TNS1: variants seen among roughly 807,000 people sequenced by gnomAD.
TNS1 encodes the protein tensin 1.
In TNS1, 62 loss-of-function variants were observed where a neutral mutation model predicts 168.6. The ratio of observed to expected loss-of-function variants is 0.37; its 90% CI spans 0.30 to 0.45. The LOEUF (loss-of-function observed/expected upper bound fraction) is 0.45, where lower values mean the gene tolerates loss of function less well. Ranked by LOEUF, TNS1 falls within the 20% of genes least tolerant of loss-of-function variation. The pLI, the probability that TNS1 is intolerant of heterozygous loss-of-function variation, is 1.00. For synonymous variants in TNS1, 934 were observed against 933.2 expected, an observed-to-expected ratio of 1.00 and a Z score of -0.02; for missense variants, 2,240 against 2,339.4, an observed-to-expected ratio of 0.96 and a Z score of 0.88.
intron 6 of TNS1, among the ~76,000 whole-genome samples, chr2:217,901,108 C>A (rs1952922615): frequency 6.6e-6 from 1 of 152,218 alleles, no homozygotes; most frequent in Non-Finnish European, 1.5e-5. Context: ...GTAACCATCT[C>A]ACCCACTCCC....
rs1171286488 is a variant in TNS1 at position 217,848,356 on chromosome 2, G to A, written c.2161C>T (p.Pro721Ser). The change falls in exon 19 of 33, where the codon CCC (proline) becomes TCC (serine). Residue 721 changes from proline to serine, a missense_variant. Pro to Ser is a moderately conservative substitution (Grantham distance 74). Around this residue, in one of 2 missense-constraint regions of TNS1, gnomAD observed 2,131 missense variants for 2,171.2 expected, o/e 0.98. Coordinates refer to ENST00000682258, the MANE Select transcript of TNS1 (RefSeq NM_001387777.1). ...ACTGGCTGTGGCCAGGCTGGGTGGG[G>A]CCCCTCCCTCTGGTAGCCAGCTAAA... Reference protein sequence around the residue: ...EGLAGYQREGPHPAWPQPVTT... With the variant: ...EGLAGYQREGSHPAWPQPVTT... 1 of 1,541,444 alleles carries A rather than the reference G, an allele frequency of 6.5e-7. No individual in the cohort carries two copies. Among genetic ancestry groups the A allele is most frequent in the Non-Finnish European group, 8.8e-7 (1 of 1,141,876 alleles).
Position 217,993,466 on chromosome 2 carries a change from G to A in TNS1, c.34-2410C>T, listed in dbSNP as rs1429331142. Among the ~76,000 whole-genome samples the A allele has an allele frequency of 3.9e-5, 6 of 152,312 alleles. No homozygotes were observed. In the East Asian group the frequency reaches 9.6e-4, roughly 24 times the overall value. ...CAGGGGTGCACTGAGAACAGACGCC[G>A]CTTCTGCGGTATCCCTGCCAGAAAG... On this transcript the variant is annotated intron_variant, in intron 1 of 32. Coordinates refer to ENST00000682258, the MANE Select transcript of TNS1 (RefSeq NM_001387777.1).
chr2:217,870,124 C>T lies in TNS1; in HGVS notation c.1429+10774G>A, dbSNP rs188835469. 1.1e-3 allele frequency among the ~76,000 whole-genome samples: 164 copies of T among 152,356 alleles called. 1 individual carries two copies. Among genetic ancestry groups the T allele is most frequent in the African/African-American group, 3.8e-3 (157 of 41,574 alleles). ...AATTCTGCCTTCAATGCCATTTATC[C>T]TCCCAGGGGCCCTTCAAATGCAGAC... On this transcript the variant is annotated intron_variant, in intron 18 of 32. Transcript: ENST00000682258.
At chr2:217,939,034 C>A (rs1056676856) in intron 3 of TNS1, among the ~76,000 whole-genome samples, 2 of 152,090 alleles carry the variant, frequency 1.3e-5, no homozygotes. Context: ...AACTCCATCA[C>A]CACCACCACC....
chr2:217,969,142 C>T (rs1201428977), intron 3 of TNS1, among the ~76,000 whole-genome samples: 1 of 152,132 alleles, frequency 6.6e-6, no homozygotes, highest in East Asian at 1.9e-4. Context: ...CCAAGACAAC[C>T]TTGAAAAAGA....
Position 217,905,115 on chromosome 2 carries a change from T to C in TNS1, c.321+1220A>G, listed in dbSNP as rs181408094. ...TTAGTCAAAATAACAGTAATAAGAA[T>C]GGCTTACATTTATTGAGCACGTATG... On this transcript the variant is annotated intron_variant, in intron 6 of 32. Transcript: ENST00000682258. Among the ~76,000 whole-genome samples, 35 of 152,312 alleles carry C rather than the reference T, an allele frequency of 2.3e-4. No individual in the cohort carries two copies. In the East Asian group the frequency reaches 4.2e-3, roughly 18 times the overall value.
intron 31 of TNS1, 121 bp downstream of exon 31, chr2:217,808,482 A>T: frequency 1.0e-6 from 1 of 996,832 alleles, no homozygotes; most frequent in Non-Finnish European, 1.5e-6. Flanking sequence ...CAGACCTTCC[A>T]GCTGAATGGA....
upstream of TNS1, among the ~76,000 whole-genome samples, chr2:218,012,830 C>T (rs1449143536): frequency 6.6e-6 from 1 of 152,210 alleles, no homozygotes; most frequent in Non-Finnish European, 1.5e-5. Flanking sequence ...GCCAGGACCC[C>T]CTTTGCTTCT....
rs552613764 is a variant in TNS1 at position 217,864,502 on chromosome 2, A to G, written c.1430-15415T>C. Among the ~76,000 whole-genome samples, 5 of 152,284 alleles carry G rather than the reference A, an allele frequency of 3.3e-5. No homozygotes were observed. In the East Asian group the frequency reaches 5.8e-4, roughly 18 times the overall value. ...GACATTCATGCTCTTTCTGCTTCCC[A>G]GAAAGGAAGGAGAAACAAGAAAGGA... On this transcript the variant is annotated intron_variant, in intron 18 of 32. Coordinates refer to ENST00000682258, the MANE Select transcript of TNS1 (RefSeq NM_001387777.1).
At chr2:217,823,779 T>C (rs1234466155) in intron 22 of TNS1, among the ~76,000 whole-genome samples, 1 of 152,190 alleles carries the variant, frequency 6.6e-6, no homozygotes, top group East Asian at 1.9e-4. Context: ...GGGAGGTCTA[T>C]TCTAGGTAGC....
chr2:218,030,122 C>A (rs1424218641), intron 1 of TNS1, among the ~76,000 whole-genome samples: 1 of 152,176 alleles, frequency 6.6e-6, no homozygotes, highest in African/African-American at 2.4e-5. Flanking sequence ...AGGCACCTTG[C>A]TTTGACTCTC....
intron 18 of TNS1, chr2:217,850,710 C>G: frequency 1.6e-6 from 1 of 626,124 alleles, no homozygotes; most frequent in Non-Finnish European, 2.0e-6. Flanking sequence ...CCAGCTCCAG[C>G]CAGACACCAG....
At position 217,818,034 on chromosome 2, in the gene TNS1, G is replaced by T. The variant is rs140104262; in HGVS notation, c.4298C>A (p.Pro1433Gln). The T allele has an allele frequency of 1.2e-6, 2 of 1,602,500 alleles. No homozygotes were observed. The highest frequency in any genetic ancestry group is 1.7e-5 in the Admixed American group (1 of 57,644). Residue 1433 changes from proline to glutamine, a missense_variant, in exon 24 of 33, where the codon CCG (proline) becomes CAG (glutamine). Pro to Gln is a moderately conservative substitution (Grantham distance 76, BLOSUM62 -1). Around this residue, in one of 2 missense-constraint regions of TNS1, gnomAD observed 2,131 missense variants for 2,171.2 expected, o/e 0.98. Transcript: ENST00000682258. ...GGACAGTGTGGGTCTCCGATCCTCC[G>T]GGGTAGAATAGCCACCATAGGCCAC... Reference protein sequence around the residue: ...RHVAYGGYSTPEDRRPTLSRQ... With the variant: ...RHVAYGGYSTQEDRRPTLSRQ...
intron 22 of TNS1, among the ~76,000 whole-genome samples, chr2:217,826,413 C>T (rs1371481066): frequency 2.0e-5 from 3 of 152,122 alleles, no homozygotes; most frequent in Admixed American, 1.3e-4. Flanking sequence ...TACTTGCAAG[C>T]TCTCCCCTCA....
At chr2:217,908,356 G>A (rs1863799) in intron 4 of TNS1, among the ~76,000 whole-genome samples, 6,395 of 152,186 alleles carry the variant, frequency 0.042, 368 homozygotes, top group African/African-American at 0.13. Flanking sequence ...CTGATCCACC[G>A]TTTCCAACTC....
chr2:217,900,324 C>T, intron 7 of TNS1, 139 bp downstream of exon 7: 2 of 923,840 alleles, frequency 2.2e-6, no homozygotes, highest in South Asian at 3.1e-5. Flanking sequence ...CTCTCCTGTG[C>T]CTTTCACGTT....
rs754852414 is a variant in TNS1, at chr2:217,818,428, G to A, written c.3904C>T (p.Arg1302Trp). The A allele has an allele frequency of 2.7e-5, 43 of 1,613,926 alleles. 1 individual carries two copies. Among genetic ancestry groups the A allele is most frequent in the South Asian group, 9.9e-5 (9 of 91,068 alleles). The change falls in exon 24 of 33, where the codon CGG (arginine) becomes TGG (tryptophan). Residue 1302 changes from arginine (R) to tryptophan (W), a missense_variant. Transcript: ENST00000682258. Reference protein sequence around the residue: ...NTPPSPGFGWRAINPSMAAPS... With the variant: ...NTPPSPGFGWWAINPSMAAPS... Reference sequence around the variant, plus strand: ...GCAGCCATGCTGGGATTGATGGCCCGCCAGCCGAAGCCAGGACTAGGGGGA... The same window carrying A: ...GCAGCCATGCTGGGATTGATGGCCCACCAGCCGAAGCCAGGACTAGGGGGA...
At chr2:217,872,054 C>T (rs529153330) in intron 18 of TNS1, among the ~76,000 whole-genome samples, 4 of 152,374 alleles carry the variant, frequency 2.6e-5, no homozygotes, top group South Asian at 2.1e-4. Context: ...CAGAAGACTT[C>T]GTTGGACGAA....
rs142909946 is a variant in TNS1, at chr2:217,886,617, G to C, written c.896C>G (p.Ser299Cys). The C allele has an allele frequency of 6.9e-6, 11 of 1,597,230 alleles. No homozygotes were observed. Among genetic ancestry groups the C allele is most frequent in the Non-Finnish European group, 9.4e-6 (11 of 1,172,050 alleles). Residue 299 changes from serine to cysteine, a missense_variant, in exon 13 of 33, where the codon TCC (serine) becomes TGC (cysteine). Around this residue, in one of 2 missense-constraint regions of TNS1, gnomAD observed 2,131 missense variants for 2,171.2 expected, o/e 0.98. Transcript: ENST00000682258. ...CTTGTTGTTCATTTTGATGGAGCCG[G>C]AGAGCAGGCCACTGAAGTAATGCAC... is the stretch of plus-strand genomic sequence containing the variant. ...RYVHYFSGLL[S>C]GSIKMNNKPL...
Sources: gnomAD v4.1 joint callset for allele counts (sites outside exome capture counted in the v4.1 genomes callset) on GRCh38, gnomAD v4.1.1 for gene constraint, gnomAD v4.1.1 regional missense constraint, MANE v1.5 for transcripts, NCBI Gene and HGNC (gene_info 2026-07-23, HGNC 2026-07-21) for gene names.